The following DPF3 variants were observed in gnomAD, a reference collection of about 807,000 sequenced individuals.
The protein encoded by DPF3 is zinc finger protein DPF3.
Under a neutral mutation model 56.8 loss-of-function variants are expected in DPF3, and 18 were observed. That is an observed-to-expected ratio of 0.32 (90% CI 0.22 to 0.47). The LOEUF is 0.47. Among genes scored for constraint, DPF3 ranks in the 20% least tolerant of loss-of-function variants. The probability of loss-of-function intolerance (pLI) is 1.00; values close to 1 mark genes in which losing one functional copy is unlikely to be tolerated. For missense variants in DPF3, 403 were observed against 488.8 expected, an observed-to-expected ratio of 0.82 and a Z score of 1.65; for synonymous variants, 188 against 180.2, an observed-to-expected ratio of 1.04 and a Z score of -0.35.
chr14:72,752,152 G>T (rs926508424), intron 3 of DPF3, among the ~76,000 whole-genome samples: 1 of 152,216 alleles, frequency 6.6e-6, no homozygotes, highest in African/African-American at 2.4e-5. Context: ...AGGCAGCCAG[G>T]CTTGACAGTC....
At chr14:72,655,288 TATATAA>T (rs1324868439) in intron 8 of DPF3, among the ~76,000 whole-genome samples, 2 of 152,106 alleles carry the variant, frequency 1.3e-5, no homozygotes, top group East Asian at 3.8e-4. Context: ...ATATGTAACA[TATATAA>T]ATATAATTGT....
intron 1 of DPF3, among the ~76,000 whole-genome samples, chr14:72,829,753 T>A (rs1883973466): frequency 6.6e-6 from 1 of 150,930 alleles, no homozygotes; most frequent in South Asian, 2.1e-4. Flanking sequence ...TCCAAGATAA[T>A]TTTTTTTTGA....
At position 72,878,015 on chromosome 14, in the gene DPF3, C is replaced by T. The variant is rs181772207; in HGVS notation, c.32+16042G>A. ...GTAGGTTGCTAGTGCAATATGACCT[C>T]TCTGAGTTAACGAATATTTTTCTAC... On this transcript the variant is annotated intron_variant, in intron 1 of 10. Coordinates refer to ENST00000556509, the MANE Select transcript of DPF3 (RefSeq NM_001280542.3). 8.5e-5 allele frequency among the ~76,000 whole-genome samples: 13 copies of T among 152,284 alleles called. No homozygotes were observed. In the East Asian group the frequency reaches 2.3e-3, roughly 27 times the overall value.
chr14:72,649,660 T>TGGGG (rs372597512), intron 8 of DPF3, among the ~76,000 whole-genome samples: 2,963 of 60,848 alleles, frequency 0.049, 73 homozygotes, highest in Non-Finnish European at 0.06. Flanking sequence ...CATCCCTGGG[T>TGGGG]GGGGGGGGGG....
chr14:72,697,275 C>T (rs752980573), intron 6 of DPF3, among the ~76,000 whole-genome samples: 1 of 152,148 alleles, frequency 6.6e-6, no homozygotes, highest in Non-Finnish European at 1.5e-5. Flanking sequence ...AATGAACAAG[C>T]CCCAGACCCC....
Position 72,612,810 on chromosome 14 carries a change from C to A in DPF3, c.*6487G>T, listed in dbSNP as rs765354853. On this transcript the variant is annotated 3_prime_UTR_variant, in exon 11 of 11. Coordinates refer to ENST00000556509, the MANE Select transcript of DPF3 (RefSeq NM_001280542.3). ...GAAGGGAAGAGAAGGAGAGAGGTCG[C>A]GGAGCCAGTAGCTTTCCAAGCACAA... Among the ~76,000 whole-genome samples the A allele has an allele frequency of 3.3e-5, 5 of 152,216 alleles. No homozygotes were observed. Among genetic ancestry groups the A allele is most frequent in the Non-Finnish European group, 5.9e-5 (4 of 68,038 alleles).
intron 3 of DPF3, among the ~76,000 whole-genome samples, chr14:72,735,167 G>T (rs1889839293): frequency 6.6e-6 from 1 of 151,966 alleles, no homozygotes; most frequent in African/African-American, 2.4e-5. Flanking sequence ...AAACCTTTAT[G>T]CATTTTCATT....
chr14:72,714,311 G>C (rs1347003688), intron 6 of DPF3, 112 bp downstream of exon 6: 2 of 1,334,262 alleles, frequency 1.5e-6, no homozygotes, highest in African/African-American at 2.9e-5. Context: ...GACAGAGGAA[G>C]AGGAGAGCAC....
At chr14:72,790,021 G>A (rs1434550294) in intron 1 of DPF3, among the ~76,000 whole-genome samples, 1 of 151,926 alleles carries the variant, frequency 6.6e-6, no homozygotes, top group Non-Finnish European at 1.5e-5. Flanking sequence ...GGAGGCCAAG[G>A]CAGGCAGATT....
intron 1 of DPF3, among the ~76,000 whole-genome samples, chr14:72,878,736 A>C (rs1886210507): frequency 6.6e-6 from 1 of 152,248 alleles, no homozygotes; most frequent in African/African-American, 2.4e-5. Context: ...CAAAGCAAAA[A>C]GGTTTGTCTT....
At chr14:72,630,407 G>T (rs1327556677) in intron 8 of DPF3, among the ~76,000 whole-genome samples, 3 of 152,146 alleles carry the variant, frequency 2.0e-5, no homozygotes, top group Admixed American at 1.3e-4. Context: ...TAAAAGGACT[G>T]GTTCCCGGTT....
rs1285993172 is a variant in DPF3 at position 72,609,237 on chromosome 14, TC to T, written c.*10059del. Among the ~76,000 whole-genome samples the T allele has an allele frequency of 6.6e-6, 1 of 152,124 alleles. No individual in the cohort carries two copies. Among genetic ancestry groups the T allele is most frequent in the Non-Finnish European group, 1.5e-5 (1 of 68,014 alleles). On this transcript the variant is annotated 3_prime_UTR_variant, in exon 11 of 11. Coordinates refer to ENST00000556509, the MANE Select transcript of DPF3 (RefSeq NM_001280542.3). ...GGTCCCAAAGAAGAAGGCTGCTCGA[TC>T]CCCACATTCTTCATCTCATCAGCGA...
intron 1 of DPF3, among the ~76,000 whole-genome samples, chr14:72,816,284 G>A (rs922538216): frequency 1.3e-5 from 2 of 152,154 alleles, no homozygotes; most frequent in African/African-American, 4.8e-5. Flanking sequence ...GCTCCAGCAG[G>A]ATAACATCAT....
chr14:72,876,032 T>A (rs959365592), intron 1 of DPF3, among the ~76,000 whole-genome samples: 1 of 125,838 alleles, frequency 7.9e-6, no homozygotes, highest in Non-Finnish European at 1.6e-5. Flanking sequence ...CATTTATTGG[T>A]TGTTGTTGAA....
chr14:72,886,013 G>T (rs1158243366), intron 1 of DPF3, among the ~76,000 whole-genome samples: 1 of 152,168 alleles, frequency 6.6e-6, no homozygotes, highest in Non-Finnish European at 1.5e-5. Flanking sequence ...TCCCAGGGAT[G>T]GTAGGAAGCA....
chr14:72,786,489 C>A (rs1892215842), intron 1 of DPF3, among the ~76,000 whole-genome samples: 1 of 152,206 alleles, frequency 6.6e-6, no homozygotes, highest in African/African-American at 2.4e-5. Context: ...CATCCGTTTA[C>A]ATATTGTCTG....
chr14:72,892,311 G>C, intron 1 of DPF3: 1 of 1,535,488 alleles, frequency 6.5e-7, no homozygotes, highest in Non-Finnish European at 8.7e-7. Context: ...AGGATGCGGC[G>C]AAGTTACGCC....
chr14:72,670,395 G>C, intron 8 of DPF3: 2 of 986,086 alleles, frequency 2.0e-6, no homozygotes, highest in Non-Finnish European at 2.4e-6. Context: ...GGCTGGTCAG[G>C]GCCCAGGTGT....
intron 2 of DPF3, among the ~76,000 whole-genome samples, chr14:72,759,381 G>T (rs982175785): frequency 3.3e-5 from 5 of 152,146 alleles, no homozygotes; most frequent in Admixed American, 1.3e-4. Context: ...AGAAATAATG[G>T]CTGGAGGCTG....
Sources: gnomAD v4.1 joint callset for allele counts (sites outside exome capture counted in the v4.1 genomes callset) on GRCh38, gnomAD v4.1.1 for gene constraint, MANE v1.5 for transcripts, NCBI Gene and HGNC (gene_info 2026-07-23, HGNC 2026-07-21) for gene names.